Variants in PDE1C observed in about 807,000 individuals in gnomAD.
The protein encoded by PDE1C is phosphodiesterase 1C.
In PDE1C, 62 loss-of-function variants were observed where a neutral mutation model predicts 93.1. The ratio of observed to expected loss-of-function variants is 0.67; its 90% CI spans 0.54 to 0.82. PDE1C has a LOEUF of 0.82. Among genes scored for constraint, PDE1C ranks in the 40% least tolerant of loss-of-function variants. PDE1C has a pLI of 0.00. For synonymous variants in PDE1C, 325 were observed against 310.1 expected (o/e 1.05, Z -0.50); for missense variants, 742 against 884.6 (o/e 0.84, Z 2.04).
the PDE1C span, among the ~76,000 whole-genome samples, chr7:31,620,299 T>A: frequency 1.3e-5 from 2 of 152,084 alleles, no homozygotes; most frequent in African/African-American, 4.8e-5. Context: ...ACGGGCAGAC[T>A]GCCTCCTCAA....
chr7:32,408,527 G>A (rs1785103429), intron 1 of PDE1C, among the ~76,000 whole-genome samples: 1 of 152,208 alleles, frequency 6.6e-6, no homozygotes, highest in South Asian at 2.1e-4. Flanking sequence ...GGTGTCTCAT[G>A]CCTGTAATCC....
intron 1 of PDE1C, among the ~76,000 whole-genome samples, chr7:32,409,379 G>A (rs1427999722): frequency 6.6e-6 from 1 of 151,850 alleles, no homozygotes; most frequent in Non-Finnish European, 1.5e-5. Flanking sequence ...GAAAAGAAAA[G>A]AGAAAAGAAA....
chr7:32,291,377 T>G (rs1237011763), intron 1 of PDE1C, among the ~76,000 whole-genome samples: 2 of 152,368 alleles, frequency 1.3e-5, no homozygotes, highest in East Asian at 3.9e-4. Flanking sequence ...TATAGCAGCA[T>G]GAATTGAAGC....
intron 2 of PDE1C, among the ~76,000 whole-genome samples, chr7:31,909,946 G>A (rs1049052203): frequency 6.6e-6 from 1 of 152,158 alleles, no homozygotes; most frequent in African/African-American, 2.4e-5. Flanking sequence ...CAATATCCCT[G>A]GTCTCTACCC....
At chr7:32,387,710 C>T (rs1418874537) in intron 1 of PDE1C, among the ~76,000 whole-genome samples, 3 of 127,650 alleles carry the variant, frequency 2.4e-5, no homozygotes, top group East Asian at 2.4e-4. Context: ...CCGGACGGGG[C>T]GGCTGGCCGG....
chr7:31,705,128 A>G, the PDE1C span, among the ~76,000 whole-genome samples: 1 of 152,258 alleles, frequency 6.6e-6, no homozygotes, highest in Non-Finnish European at 1.5e-5. Context: ...TCTTGTGGAC[A>G]GCCCAGCCTA....
At chr7:31,927,939 T>C (rs1803621360) in intron 2 of PDE1C, among the ~76,000 whole-genome samples, 1 of 151,770 alleles carries the variant, frequency 6.6e-6, no homozygotes, top group African/African-American at 2.4e-5. Flanking sequence ...GGAGAATGAG[T>C]TTGACGAATT....
At chr7:32,394,347 G>GC (rs968451442) in intron 1 of PDE1C, among the ~76,000 whole-genome samples, 6 of 152,194 alleles carry the variant, frequency 3.9e-5, no homozygotes, top group Non-Finnish European at 8.8e-5. Context: ...TTAGATATTT[G>GC]CCCCCTCCAA....
At chr7:31,708,137 A>G in the PDE1C span, 3 of 152,158 alleles carry the variant, frequency 2.0e-5, no homozygotes, top group Non-Finnish European at 2.9e-5. Flanking sequence ...AGACTCTATT[A>G]CACTTTCTTG....
At chr7:32,083,103 GA>G (rs1049690643) in intron 3 of PDE1C, among the ~76,000 whole-genome samples, 7 of 151,620 alleles carry the variant, frequency 4.6e-5, no homozygotes, top group Non-Finnish European at 1.0e-4. Context: ...TAAAAACTTT[GA>G]AAAAAATTTA....
chr7:31,665,659 G>C, the PDE1C span, among the ~76,000 whole-genome samples: 1 of 152,112 alleles, frequency 6.6e-6, no homozygotes, highest in African/African-American at 2.4e-5. Context: ...ACCAAAATTA[G>C]TTTGATCTCT....
chr7:32,374,189 AGAAAGAGAGG>A (rs1784383342), intron 1 of PDE1C, among the ~76,000 whole-genome samples: 1 of 139,368 alleles, frequency 7.2e-6, no homozygotes, highest in African/African-American at 2.6e-5. Flanking sequence ...AAAGAAAGAA[AGAAAGAGAGG>A]GAAAGAGAGG....
chr7:32,008,393 A>T (rs974176755), intron 2 of PDE1C, among the ~76,000 whole-genome samples: 3 of 152,138 alleles, frequency 2.0e-5, no homozygotes, highest in African/African-American at 7.2e-5. Flanking sequence ...TCCATTAAGG[A>T]TCCTTTCCAC....
At chr7:32,237,289 G>A (rs1293815127) in intron 1 of PDE1C, among the ~76,000 whole-genome samples, 2 of 147,400 alleles carry the variant, frequency 1.4e-5, no homozygotes, top group East Asian at 4.2e-4. Flanking sequence ...GGGTTTCACA[G>A]CGTTAGCTAG....
At chr7:32,417,364 A>G (rs1785296065) in intron 1 of PDE1C, among the ~76,000 whole-genome samples, 1 of 152,038 alleles carries the variant, frequency 6.6e-6, no homozygotes, top group Admixed American at 6.5e-5. Flanking sequence ...TGCTAATAAA[A>G]TCTCACATGT....
intron 2 of PDE1C, among the ~76,000 whole-genome samples, chr7:32,005,680 G>T (rs1423913430): frequency 6.6e-6 from 1 of 151,282 alleles, no homozygotes; most frequent in Non-Finnish European, 1.5e-5. Flanking sequence ...AAAAGAAGGG[G>T]TTCCTCCAAT....
chr7:32,008,235 C>T (rs1786540362), intron 2 of PDE1C, among the ~76,000 whole-genome samples: 2 of 152,180 alleles, frequency 1.3e-5, no homozygotes, highest in Middle Eastern at 3.2e-3. Flanking sequence ...GCTTCCAAAC[C>T]ACTGGTATTT....
intron 1 of PDE1C, among the ~76,000 whole-genome samples, chr7:32,248,677 A>C (rs929170901): frequency 6.6e-6 from 1 of 152,190 alleles, no homozygotes; most frequent in African/African-American, 2.4e-5. Flanking sequence ...AAGAACCATT[A>C]TTATCTCTCA....
chr7:32,005,285 G>A (rs747443888), intron 2 of PDE1C, among the ~76,000 whole-genome samples: 9 of 151,676 alleles, frequency 5.9e-5, no homozygotes, highest in South Asian at 2.1e-4. Flanking sequence ...GGCCGGGTGC[G>A]GTGGTTCATG....
Sources: allele counts gnomAD v4.1 joint callset (sites outside exome capture counted in the v4.1 genomes callset), GRCh38; gene constraint gnomAD v4.1.1; transcripts MANE v1.5; gene names NCBI Gene and HGNC (gene_info 2026-07-23, HGNC 2026-07-21).